TLR5: variants seen among roughly 807,000 people sequenced by gnomAD.
TLR5 encodes toll-like receptor 5.
For missense variants in TLR5, 944 were observed against 999.8 expected (o/e 0.94, Z 0.75); for synonymous variants, 373 against 384.4 (o/e 0.97, Z 0.35).
At chr1:223,140,383 C>A (rs1657789674) in intron 2 of TLR5, among the ~76,000 whole-genome samples, 1 of 151,952 alleles carries the variant, frequency 6.6e-6, no homozygotes, top group Non-Finnish European at 1.5e-5. Context: ...CCCATCTCTG[C>A]TAAAAATACA....
intron 4 of TLR5, among the ~76,000 whole-genome samples, chr1:223,133,463 T>C (rs530559356): frequency 7.9e-5 from 12 of 152,272 alleles, no homozygotes; most frequent in African/African-American, 2.6e-4. Context: ...AGTCTGCATT[T>C]CTAACGGGCT....
intron 5 of TLR5, among the ~76,000 whole-genome samples, chr1:223,116,922 C>G (rs1005588032): frequency 2.0e-5 from 3 of 152,236 alleles, no homozygotes; most frequent in African/African-American, 7.2e-5. Flanking sequence ...CGCGTCAGGG[C>G]TAGGGGCAGA....
In TLR5 at chr1:223,110,813, C is replaced by G. The variant is rs748948212; in HGVS notation, c.2219G>C (p.Arg740Pro). The G allele has an allele frequency of 6.2e-7, 1 of 1,614,212 alleles. No homozygotes were observed. Among genetic ancestry groups the G allele is most frequent in the East Asian group, 2.2e-5 (1 of 44,888 alleles). The stretch of plus-strand genomic sequence containing the variant: ...GATGGCATCCTGGATATTGGCAATG[C>G]GGTTTTCTCCTGGGACAAAGTCTCT... Reference protein sequence around the residue: ...EERDFVPGENRIANIQDAIWN... With the variant: ...EERDFVPGENPIANIQDAIWN... Residue 740 changes from arginine (R) to proline (P), a missense_variant, in exon 6 of 6, where the codon CGC becomes CCC. Physicochemically the swap from Arg to Pro is moderately radical, Grantham distance 103. Coordinates refer to ENST00000642603, the MANE Select transcript of TLR5 (RefSeq NM_003268.6).
intron 5 of TLR5, among the ~76,000 whole-genome samples, chr1:223,113,606 A>G (rs1656479619): frequency 6.6e-6 from 1 of 152,124 alleles, no homozygotes; most frequent in South Asian, 2.1e-4. Flanking sequence ...CTTTTAAAAA[A>G]ATTTTATTTA....
chr1:223,135,052 G>A (rs1467370628), intron 3 of TLR5, among the ~76,000 whole-genome samples, 188 bp from the exon 4 acceptor site: 4 of 152,198 alleles, frequency 2.6e-5, no homozygotes, highest in African/African-American at 7.2e-5. Flanking sequence ...TGAGAGGGAT[G>A]TGTAGTCTGT....
intron 5 of TLR5, among the ~76,000 whole-genome samples, chr1:223,125,993 C>A (rs1392269055): frequency 6.6e-6 from 1 of 152,184 alleles, no homozygotes; most frequent in Non-Finnish European, 1.5e-5. Flanking sequence ...CCCAGCAATT[C>A]CACTTCTGGG....
chr1:223,141,170 CAAAT>C (rs1657821947), intron 2 of TLR5, among the ~76,000 whole-genome samples: 1 of 152,146 alleles, frequency 6.6e-6, no homozygotes, highest in African/African-American at 2.4e-5. Flanking sequence ...TATACAGAGA[CAAAT>C]AAACAGGAGA....
chr1:223,129,687 A>T (rs1288830672), intron 5 of TLR5: 1 of 152,350 alleles, frequency 6.6e-6, no homozygotes, highest in African/African-American at 2.4e-5. Context: ...AATGCACTCC[A>T]CGGCCAGGAA....
Position 223,113,001 on chromosome 1 carries a change from C to T in TLR5, c.31G>A (p.Val11Met). 6.2e-7 allele frequency: 1 copy of T among 1,614,192 alleles called. No individual in the cohort carries two copies. The change falls in exon 6 of 6, where the codon GTG becomes ATG. Residue 11 changes from valine to methionine, a missense_variant. Transcript: ENST00000642603. ...AACACAGGACCGGCCATGAGCACCA[C>T]TCCTAGGAGAAGGTCCAGGTGGTCT... MGDHLDLLLG[V>M]VLMAGPVFGI...
At chr1:223,113,218 T>A (rs917484006) in intron 5 of TLR5, among the ~76,000 whole-genome samples, 183 bp from the exon 6 acceptor site, 1 of 152,200 alleles carries the variant, frequency 6.6e-6, no homozygotes, top group Admixed American at 6.5e-5. Flanking sequence ...TATTTCTGTT[T>A]TTTTTGAGAC....
At position 223,131,198 on chromosome 1, in the gene TLR5, C is replaced by G. The variant is rs148024531; in HGVS notation, c.-5+1277G>C. On this transcript the variant is annotated intron_variant, in intron 5 of 5. Transcript: ENST00000642603. The surrounding 1 kb of genome is among the most constrained non-coding windows in gnomAD (Gnocchi z 4.2). ...ACTCCTCATGCTCATATCACTCAAA[C>G]TCTTCAGGATGACCTCAGGGTCCCC... is the stretch of plus-strand genomic sequence containing the variant. Among the ~76,000 whole-genome samples, 2 of 152,342 alleles carry G rather than the reference C, an allele frequency of 1.3e-5. No individual in the cohort carries two copies. The highest frequency in any genetic ancestry group is 4.8e-5 in the African/African-American group (2 of 41,570).
In TLR5 at chr1:223,111,109, G is replaced by A; in HGVS notation, c.1923C>T (p.Ser641=). ...GAGTGACAGTGCATACAATGAAAAGGGAGAACTTTAGGGACTTTAAGACTT... is the reference window on the plus strand; with the variant it reads ...GAGTGACAGTGCATACAATGAAAAGAGAGAACTTTAGGGACTTTAAGACTT... The part of the protein sequence containing the change: ...EEEVLKSLKF[S]LFIVCTVTLT... The change falls in exon 6 of 6, where the codon TCC becomes TCT. Residue 641 remains serine (S), a synonymous_variant. Transcript: ENST00000642603. 1 of 1,614,182 alleles carries A rather than the reference G, an allele frequency of 6.2e-7. No individual in the cohort carries two copies. The highest frequency in any genetic ancestry group is 1.1e-5 in the South Asian group (1 of 91,082).
At chr1:223,119,426 G>GTGT (rs1303407775) in intron 5 of TLR5, among the ~76,000 whole-genome samples, 1 of 151,924 alleles carries the variant, frequency 6.6e-6, no homozygotes, top group Non-Finnish European at 1.5e-5. Context: ...CCTTAATAAA[G>GTGT]TGTTATAAAC....
chr1:223,119,959 AAAATAAAATAAAATAAAAT>A lies in TLR5; in HGVS notation c.-4-6943_-4-6925del, dbSNP rs1462548506. Among the ~76,000 whole-genome samples, 86 of 72,278 alleles carry A rather than the reference AAAATAAAATAAAATAAAAT, an allele frequency of 1.2e-3. 11 individuals carry two copies. Among genetic ancestry groups the A allele is most frequent in the African/African-American group, 8.6e-3 (81 of 9,400 alleles). The allele number at this position is 72,278 out of a possible 152,430, so 47.4% of individuals were successfully genotyped here. Reference sequence around the variant, plus strand: ...AGTGAGACTGTCTCAAAAATAAAATAAAATAAAATAAAATAAAATAAATAAAATAAAATAAAATAAAATA... The same window carrying A: ...AGTGAGACTGTCTCAAAAATAAAATAAAATAAAATAAAATAAAATAAAATA... On this transcript the variant is annotated intron_variant, in intron 5 of 5. Coordinates refer to ENST00000642603, the MANE Select transcript of TLR5 (RefSeq NM_003268.6).
At chr1:223,130,040 T>C (rs1434108677) in intron 5 of TLR5, among the ~76,000 whole-genome samples, 4 of 152,178 alleles carry the variant, frequency 2.6e-5, no homozygotes, top group Non-Finnish European at 5.9e-5. Flanking sequence ...CTTTATTCCA[T>C]TAGCAATGGG....
intron 4 of TLR5, among the ~76,000 whole-genome samples, chr1:223,133,685 G>T (rs1657483063): frequency 6.6e-6 from 1 of 152,238 alleles, no homozygotes; most frequent in Non-Finnish European, 1.5e-5. Context: ...TCTCAGCGCT[G>T]AAGAGTGAAG....
chr1:223,135,815 G>A (rs1657587355), intron 3 of TLR5, among the ~76,000 whole-genome samples: 1 of 152,102 alleles, frequency 6.6e-6, no homozygotes, highest in Non-Finnish European at 1.5e-5. Flanking sequence ...GAAAAAAATG[G>A]AACCACATAT....
chr1:223,121,916 T>C (rs577816739), intron 5 of TLR5, among the ~76,000 whole-genome samples: 1 of 152,376 alleles, frequency 6.6e-6, no homozygotes, highest in African/African-American at 2.4e-5. Flanking sequence ...TCAGAGGTAA[T>C]GACCTTGTAT....
At chr1:223,142,396 C>T (rs1488557240) in intron 1 of TLR5, among the ~76,000 whole-genome samples, 2 of 152,206 alleles carry the variant, frequency 1.3e-5, no homozygotes, top group Non-Finnish European at 2.9e-5. Flanking sequence ...GTTCCCAACA[C>T]TAGGTAACAA....
Sources: gnomAD v4.1 joint callset for allele counts (sites outside exome capture counted in the v4.1 genomes callset) on GRCh38, gnomAD v4.1.1 for gene constraint, Gnocchi (gnomAD v3.1) non-coding constraint, MANE v1.5 for transcripts, NCBI Gene and HGNC (gene_info 2026-07-23, HGNC 2026-07-21) for gene names.